The following ZNF850 variants were observed in gnomAD, a reference collection of about 807,000 sequenced individuals.
The protein encoded by ZNF850 is zinc finger protein 850.
A neutral mutation model predicts 11.9 loss-of-function variants in ZNF850; 2 were observed. That is an observed-to-expected ratio of 0.17 (90% CI 0.07 to 0.53). ZNF850 has a LOEUF of 0.53. Ranked by LOEUF, ZNF850 falls within the 20% of genes least tolerant of loss-of-function variation. The pLI is 0.94. For synonymous variants in ZNF850, 381 were observed against 443.0 expected (o/e 0.86, Z 1.76); for missense variants, 1,014 against 1,316.4 (o/e 0.77, Z 3.55).
In ZNF850 at chr19:36,748,871, G is replaced by T. The variant is rs1349829306; in HGVS notation, c.2169C>A (p.His723Gln). 5 of 1,551,762 alleles carry T rather than the reference G, an allele frequency of 3.2e-6. No homozygotes were observed. Among genetic ancestry groups the T allele is most frequent in the African/African-American group, 2.7e-5 (2 of 73,212 alleles). The change falls in exon 5 of 5, where the codon CAC (histidine) becomes CAA (glutamine). Residue 723 changes from histidine (H) to glutamine (Q), a missense_variant. Physicochemically the swap from His to Gln is conservative, Grantham distance 24 (BLOSUM62 0). This residue lies in a region of ZNF850 where 835 missense variants were observed against 1,022.0 expected (regional missense o/e 0.82). Coordinates refer to ENST00000591344, the MANE Select transcript of ZNF850 (RefSeq NM_001193552.2). ...TACCATCATAGGGTTTCTCATCAGTGTGATTTTGCTGATGTTGAATTAGTC... is the reference window on the plus strand; with the variant it reads ...TACCATCATAGGGTTTCTCATCAGTTTGATTTTGCTGATGTTGAATTAGTC... ...CSGLIQHQQN[H>Q]TDEKPYDGKE...
At chr19:36,750,971 CAGG>C (rs1327398202) in intron 4 of ZNF850, among the ~76,000 whole-genome samples, 167 bp from the exon 5 acceptor site, 2 of 148,032 alleles carry the variant, frequency 1.4e-5, no homozygotes, top group Non-Finnish European at 3.0e-5. Context: ...GAGTCTGAGA[CAGG>C]AGGATTGCTT....
chr19:36,763,521 G>A (rs2040531762), intron 1 of ZNF850, among the ~76,000 whole-genome samples: 1 of 151,730 alleles, frequency 6.6e-6, no homozygotes, highest in African/African-American at 2.4e-5. Context: ...TCCAGACTGG[G>A]CAATAAGAGC....
intron 4 of ZNF850, among the ~76,000 whole-genome samples, chr19:36,754,693 T>C (rs904351177): frequency 2.6e-5 from 4 of 152,028 alleles, no homozygotes; most frequent in Admixed American, 1.3e-4. Context: ...GTAGCTGGGA[T>C]TACAGGCGCC....
Position 36,747,883 on chromosome 19 carries a change from T to C in ZNF850, c.3157A>G (p.Ser1053Gly), listed in dbSNP as rs762547414. 6 of 1,575,540 alleles carry C rather than the reference T, an allele frequency of 3.8e-6. No homozygotes were observed. Among genetic ancestry groups the C allele is most frequent in the Middle Eastern group, 1.7e-4 (1 of 6,030 alleles). The change falls in exon 5 of 5, where the codon AGC becomes GGC. Residue 1053 changes from serine to glycine, a missense_variant. Transcript: ENST00000591344. The part of the protein sequence containing the change: ...GKAFFYASGL[S>G]RHQSVHTGEK... ...CCAGTGTGAACACTCTGATGTCGGC[T>C]GAGTCCTGAGGCATAGAAAAAGGCT... is the stretch of plus-strand genomic sequence containing the variant.
rs1328874207 is a variant in ZNF850, at chr19:36,745,129, T to C, written c.*2638A>G. 1.3e-5 allele frequency: 2 copies of C among 151,014 alleles called. No individual in the cohort carries two copies. Among genetic ancestry groups the C allele is most frequent in the Non-Finnish European group, 2.9e-5 (2 of 67,950 alleles). The allele number at this position is 151,014 out of a possible 1,614,324, so 9.4% of individuals were successfully genotyped here. A position where few individuals can be genotyped will look rare whatever the true frequency, so the allele number is the denominator to read the frequency against. ...ACGAGACTGTCTCAAAAAAAATCAA[T>C]TGAGACAAAGCCTCAATTGATTAAC... On this transcript the variant is annotated 3_prime_UTR_variant, in exon 5 of 5. Coordinates refer to ENST00000591344, the MANE Select transcript of ZNF850 (RefSeq NM_001193552.2).
At chr19:36,767,314 T>G (rs1009490113) in intron 1 of ZNF850, among the ~76,000 whole-genome samples, 9 of 152,124 alleles carry the variant, frequency 5.9e-5, no homozygotes, top group Admixed American at 5.2e-4. Flanking sequence ...CCCAGCACTT[T>G]GGGAGGCTGA....
intron 4 of ZNF850, among the ~76,000 whole-genome samples, chr19:36,756,862 C>T (rs897750108): frequency 1.3e-4 from 20 of 152,232 alleles, no homozygotes; most frequent in Non-Finnish European, 1.5e-4. Flanking sequence ...GATCCACCCG[C>T]CTTGGCCTCC....
Position 36,747,684 on chromosome 19 carries a change from A to G in ZNF850, c.*83T>C. 1.5e-6 allele frequency: 2 copies of G among 1,306,244 alleles called. No individual in the cohort carries two copies. Among genetic ancestry groups the G allele is most frequent in the Non-Finnish European group, 1.0e-6 (1 of 986,258 alleles). 80.9% of individuals were successfully genotyped at this position (1,306,244 alleles called of 1,614,324 possible). A position where few individuals can be genotyped will look rare whatever the true frequency, so the allele number is the denominator to read the frequency against. On this transcript the variant is annotated 3_prime_UTR_variant, in exon 5 of 5. Coordinates refer to ENST00000591344, the MANE Select transcript of ZNF850 (RefSeq NM_001193552.2). Reference sequence around the variant, plus strand: ...TTCTGGAAAAAGTGAATATGAAGTAATACACATCCATTGTATTTGACCCAC... The same window carrying G: ...TTCTGGAAAAAGTGAATATGAAGTAGTACACATCCATTGTATTTGACCCAC...
At chr19:36,757,538 G>C (rs1205883630) in intron 4 of ZNF850, among the ~76,000 whole-genome samples, 3 of 117,576 alleles carry the variant, frequency 2.6e-5, no homozygotes, top group Non-Finnish European at 5.0e-5. Flanking sequence ...ACAGAGTCTT[G>C]CTCTGTTGCC....
rs1192491144 is a variant in ZNF850 at position 36,745,503 on chromosome 19, C to T, written c.*2264G>A. The T allele has an allele frequency of 6.6e-6, 1 of 151,740 alleles. No homozygotes were observed. Among genetic ancestry groups the T allele is most frequent in the Non-Finnish European group, 1.5e-5 (1 of 67,962 alleles). 9.4% of individuals were successfully genotyped at this position (151,740 alleles called of 1,614,324 possible). ...ACCAGCCTGACCAACATGGAGAAAC[C>T]CCGTCTCTACTAAATAATACAAAAA... On this transcript the variant is annotated 3_prime_UTR_variant, in exon 5 of 5. Transcript: ENST00000591344.
Position 36,748,298 on chromosome 19 carries a change from T to C in ZNF850, c.2742A>G (p.Gln914=). 6.4e-7 allele frequency: 1 copy of C among 1,574,658 alleles called. No individual in the cohort carries two copies. The highest frequency in any genetic ancestry group is 8.6e-7 in the Non-Finnish European group (1 of 1,163,732). ...TCTCACCAGTATGGATTCGTTGATGTTGAGTAAGTTTTGAACGACGTCTAA... is the reference window on the plus strand; with the variant it reads ...TCTCACCAGTATGGATTCGTTGATGCTGAGTAAGTTTTGAACGACGTCTAA... ...KAFRRRSKLT[Q]HQRIHTGEKP... The change falls in exon 5 of 5, where the codon CAA becomes CAG. Residue 914 remains glutamine (Q), a synonymous_variant. Coordinates refer to ENST00000591344, the MANE Select transcript of ZNF850 (RefSeq NM_001193552.2).
chr19:36,761,323 C>T (rs917793869), intron 4 of ZNF850, among the ~76,000 whole-genome samples: 1 of 152,014 alleles, frequency 6.6e-6, no homozygotes, highest in African/African-American at 2.4e-5. Context: ...GCCTATAATG[C>T]CAGTTCCTTC....
Position 36,762,665 on chromosome 19 carries a change from C to T in ZNF850, c.-59G>A. The T allele has an allele frequency of 6.7e-7, 1 of 1,492,042 alleles. No homozygotes were observed. Among genetic ancestry groups the T allele is most frequent in the Non-Finnish European group, 9.0e-7 (1 of 1,106,884 alleles). The allele number at this position is 1,492,042 out of a possible 1,614,324, so 92.4% of individuals were successfully genotyped here. A position where few individuals can be genotyped will look rare whatever the true frequency, so the allele number is the denominator to read the frequency against. On this transcript the variant is annotated 5_prime_UTR_variant, in exon 2 of 5. It removes an upstream start codon present in the reference 5' UTR. Coordinates refer to ENST00000591344, the MANE Select transcript of ZNF850 (RefSeq NM_001193552.2). ...ATAGAATGGGACATTCCGAATATTC[C>T]ATGGTTAGAGCTGGGAATGAATAAA...
At chr19:36,768,206 A>C (rs2040559999) in intron 1 of ZNF850, among the ~76,000 whole-genome samples, 1 of 72,440 alleles carries the variant, frequency 1.4e-5, no homozygotes, top group Non-Finnish European at 2.6e-5. Context: ...ACCCTGTCTC[A>C]AAAAAAAAAA....
intron 4 of ZNF850, among the ~76,000 whole-genome samples, chr19:36,756,206 G>A (rs999324580): frequency 2.6e-5 from 4 of 151,944 alleles, no homozygotes; most frequent in African/African-American, 9.7e-5. Flanking sequence ...ACCTGGCCTT[G>A]AGCCAATGTT....
chr19:36,771,226 G>C (rs1205370877), intron 1 of ZNF850, among the ~76,000 whole-genome samples: 9 of 152,186 alleles, frequency 5.9e-5, no homozygotes, highest in Non-Finnish European at 1.3e-4. Flanking sequence ...CCAGCGGAGG[G>C]ACCCAAAAGA....
At chr19:36,772,513 T>G (rs918743290) in intron 1 of ZNF850, among the ~76,000 whole-genome samples, 17 of 151,692 alleles carry the variant, frequency 1.1e-4, no homozygotes, top group African/African-American at 4.1e-4. Flanking sequence ...AGTCACCGGT[T>G]CTTCACATCC....
rs892538571 is a variant in ZNF850 at position 36,745,747 on chromosome 19, C to T, written c.*2020G>A. ...GTGGCTCATGATTGTAATCCCAGCACTTTGAGAGGACAAGGTGGGCCATTC... is the reference window on the plus strand; with the variant it reads ...GTGGCTCATGATTGTAATCCCAGCATTTTGAGAGGACAAGGTGGGCCATTC... On this transcript the variant is annotated 3_prime_UTR_variant, in exon 5 of 5. Coordinates refer to ENST00000591344, the MANE Select transcript of ZNF850 (RefSeq NM_001193552.2). 6.6e-6 allele frequency: 1 copy of T among 151,960 alleles called. No individual in the cohort carries two copies. The highest frequency in any genetic ancestry group is 2.4e-5 in the African/African-American group (1 of 41,352). 9.4% of individuals were successfully genotyped at this position (151,960 alleles called of 1,614,324 possible). A position where few individuals can be genotyped will look rare whatever the true frequency, so the allele number is the denominator to read the frequency against.
At position 36,745,593 on chromosome 19, in the gene ZNF850, G is replaced by C. The variant is rs963080670; in HGVS notation, c.*2174C>G. 6.6e-6 allele frequency: 1 copy of C among 152,046 alleles called. No homozygotes were observed. Among genetic ancestry groups the C allele is most frequent in the South Asian group, 2.1e-4 (1 of 4,810 alleles). 9.4% of individuals were successfully genotyped at this position (152,046 alleles called of 1,614,324 possible). A position where few individuals can be genotyped will look rare whatever the true frequency, so the allele number is the denominator to read the frequency against. On this transcript the variant is annotated 3_prime_UTR_variant, in exon 5 of 5. Transcript: ENST00000591344. Reference sequence around the variant, plus strand: ...CTCAGGAGGCTGAGTCAAGAGAATCGCTTGAACCTGGGAGGCGGAGGTTGC... The same window carrying C: ...CTCAGGAGGCTGAGTCAAGAGAATCCCTTGAACCTGGGAGGCGGAGGTTGC...
Sources: gnomAD v4.1 joint callset for allele counts (sites outside exome capture counted in the v4.1 genomes callset) on GRCh38, gnomAD v4.1.1 for gene constraint, gnomAD v4.1.1 regional missense constraint, MANE v1.5 for transcripts, NCBI Gene and HGNC (gene_info 2026-07-23, HGNC 2026-07-21) for gene names.